The following EPHA3 variants were observed in gnomAD, a reference collection of about 807,000 sequenced individuals.
EPHA3 encodes ephrin type-A receptor 3.
A neutral mutation model predicts 107.1 loss-of-function variants in EPHA3; 42 were observed. That is an observed-to-expected ratio of 0.39 (90% CI 0.31 to 0.51). The LOEUF (loss-of-function observed/expected upper bound fraction) is 0.51. Ranked by LOEUF, EPHA3 falls within the 20% of genes least tolerant of loss-of-function variation. The pLI, the probability that EPHA3 is intolerant of heterozygous loss-of-function variation, is 0.78. For synonymous variants in EPHA3, 461 were observed against 424.8 expected, an observed-to-expected ratio of 1.09 and a Z score of -1.05; for missense variants, 1,183 against 1,211.2, an observed-to-expected ratio of 0.98 and a Z score of 0.35.
chr3:89,216,062 T>C (rs1704216559), intron 3 of EPHA3, among the ~76,000 whole-genome samples: 1 of 151,978 alleles, frequency 6.6e-6, no homozygotes, highest in Non-Finnish European at 1.5e-5. Flanking sequence ...GTGTTTCAAA[T>C]GTGCAAATAG....
intron 2 of EPHA3, among the ~76,000 whole-genome samples, chr3:89,208,013 A>G (rs1325273300): frequency 6.6e-6 from 1 of 152,142 alleles, no homozygotes; most frequent in Non-Finnish European, 1.5e-5. Flanking sequence ...AATTTTCTTA[A>G]GATTGTCAGG....
intron 15 of EPHA3, among the ~76,000 whole-genome samples, chr3:89,459,461 CTT>C (rs1710172177): frequency 6.6e-6 from 1 of 151,196 alleles, no homozygotes; most frequent in Non-Finnish European, 1.5e-5. Flanking sequence ...TTCTTCCCTT[CTT>C]TCTCTCCTTC....
At position 89,242,296 on chromosome 3, in the gene EPHA3, C is replaced by A. The variant is rs1559615719; in HGVS notation, c.814+31776C>A. On this transcript the variant is annotated intron_variant, in intron 3 of 16. Coordinates refer to ENST00000336596, the MANE Select transcript of EPHA3 (RefSeq NM_005233.6). ...CATTAAAAATAATTAGCAATCATGT[C>A]TTGGGAGATACACATTGATAAGAAT... Among the ~76,000 whole-genome samples the A allele has an allele frequency of 2.6e-5, 4 of 152,284 alleles. No individual in the cohort carries two copies. In the South Asian group the frequency reaches 8.3e-4, roughly 32 times the overall value.
intron 11 of EPHA3, among the ~76,000 whole-genome samples, chr3:89,423,454 T>A (rs896541400): frequency 6.6e-6 from 1 of 151,404 alleles, no homozygotes; most frequent in Admixed American, 6.6e-5. Context: ...AAATTTGTCT[T>A]AAGTGTACTA....
At chr3:89,165,324 T>C (rs547254981) in intron 2 of EPHA3, among the ~76,000 whole-genome samples, 7 of 152,338 alleles carry the variant, frequency 4.6e-5, no homozygotes, top group African/African-American at 1.7e-4. Flanking sequence ...CGAAATGTCA[T>C]AGTATGTAAT....
At position 89,480,504 on chromosome 3, in the gene EPHA3, C is replaced by T. The variant is rs1191921999; in HGVS notation, c.*1002C>T. On this transcript the variant is annotated 3_prime_UTR_variant, in exon 17 of 17. Transcript: ENST00000336596. ...GGTGCTTAGAGACTATCAACTCCCTCCTTTAGTGAAGGAGCCGTGTTAGAG... is the reference window on the plus strand; with the variant it reads ...GGTGCTTAGAGACTATCAACTCCCTTCTTTAGTGAAGGAGCCGTGTTAGAG... 4.3e-6 allele frequency: 1 copy of T among 233,228 alleles called. No homozygotes were observed. The highest frequency in any genetic ancestry group is 5.6e-5 in the Admixed American group (1 of 17,776). The allele number at this position is 233,228 out of a possible 1,614,324, so 14.4% of individuals were successfully genotyped here. A position where few individuals can be genotyped will look rare whatever the true frequency, so the allele number is the denominator to read the frequency against.
intron 5 of EPHA3, among the ~76,000 whole-genome samples, chr3:89,382,169 C>G (rs894203366): frequency 6.6e-6 from 1 of 151,998 alleles, no homozygotes; most frequent in African/African-American, 2.4e-5. Flanking sequence ...TATTGTAACT[C>G]AGGTATGGTG....
In EPHA3 at chr3:89,431,184, T is replaced by C. The variant is rs1285991622; in HGVS notation, c.2171T>C (p.Val724Ala). The C allele has an allele frequency of 6.2e-7, 1 of 1,613,798 alleles. No individual in the cohort carries two copies. Among genetic ancestry groups the C allele is most frequent in the East Asian group, 2.2e-5 (1 of 44,842 alleles). Reference protein sequence around the residue: ...HDAQFTVIQLVGMLRGIASGM... With the variant: ...HDAQFTVIQLAGMLRGIASGM... ...GCCCAGTTTACTGTCATTCAGCTAG[T>C]GGGGATGCTTCGAGGGATAGCATCT... The change falls in exon 13 of 17, where the codon GTG becomes GCG. Residue 724 changes from valine (V) to alanine (A), a missense_variant. Transcript: ENST00000336596.
chr3:89,428,573 A>G (rs1296689133), intron 11 of EPHA3, among the ~76,000 whole-genome samples: 4 of 152,016 alleles, frequency 2.6e-5, no homozygotes, highest in African/African-American at 9.7e-5. Flanking sequence ...TATAACTATT[A>G]TTCTGAATTG....
At chr3:89,295,683 CG>C (rs1234451266) in intron 3 of EPHA3, among the ~76,000 whole-genome samples, 1 of 152,090 alleles carries the variant, frequency 6.6e-6, no homozygotes, top group Non-Finnish European at 1.5e-5. Flanking sequence ...CCTCTGCCAC[CG>C]GGTTCAAGAG....
chr3:89,470,208 T>A (rs181264071), intron 15 of EPHA3, among the ~76,000 whole-genome samples: 203 of 152,226 alleles, frequency 1.3e-3, no homozygotes, highest in Non-Finnish European at 1.5e-3. Context: ...ACTATTCTAA[T>A]GAAGCCCCTA....
chr3:89,425,956 A>G (rs1709447639), intron 11 of EPHA3, among the ~76,000 whole-genome samples: 1 of 151,686 alleles, frequency 6.6e-6, no homozygotes, highest in African/African-American at 2.4e-5. Context: ...TTACTTTACA[A>G]TTGTGAAAGA....
At chr3:89,267,531 C>A (rs2107291796) in intron 3 of EPHA3, among the ~76,000 whole-genome samples, 1 of 152,152 alleles carries the variant, frequency 6.6e-6, no homozygotes, top group Non-Finnish European at 1.5e-5. Flanking sequence ...CCCCTGGAAG[C>A]CAGGAAGCAG....
intron 1 of EPHA3, among the ~76,000 whole-genome samples, chr3:89,120,607 A>C (rs796331398): frequency 2.2e-4 from 33 of 152,316 alleles, no homozygotes; most frequent in African/African-American, 7.7e-4. Flanking sequence ...ACAGCATAGG[A>C]TTGACATTTA....
intron 3 of EPHA3, among the ~76,000 whole-genome samples, chr3:89,239,944 T>C (rs1305048873): frequency 1.3e-5 from 2 of 152,172 alleles, no homozygotes; most frequent in Non-Finnish European, 2.9e-5. Context: ...AGCAGTTGTA[T>C]TGAGATGCTA....
At chr3:89,299,962 C>T (rs879446306) in intron 3 of EPHA3, among the ~76,000 whole-genome samples, 3 of 151,858 alleles carry the variant, frequency 2.0e-5, no homozygotes, top group Non-Finnish European at 4.4e-5. Context: ...ATTAATTTTT[C>T]ATTTGGGCAT....
rs1322979221 is a variant in EPHA3, at chr3:89,118,856, T to C, written c.89-8353T>C. Among the ~76,000 whole-genome samples the C allele has an allele frequency of 8.5e-5, 13 of 152,146 alleles. No individual in the cohort carries two copies. The East Asian group carries it at 1.9e-3, about 23-fold the overall frequency. ...TAAATGAATCTAAAATAAATACTTATATAAAAATTGTTATAACATAGATAT... is the reference window on the plus strand; with the variant it reads ...TAAATGAATCTAAAATAAATACTTACATAAAAATTGTTATAACATAGATAT... On this transcript the variant is annotated intron_variant, in intron 1 of 16. Coordinates refer to ENST00000336596, the MANE Select transcript of EPHA3 (RefSeq NM_005233.6).
intron 14 of EPHA3, 149 bp downstream of exon 14, chr3:89,449,523 G>A: frequency 1.6e-6 from 1 of 612,662 alleles, no homozygotes; most frequent in Non-Finnish European, 2.6e-6. Context: ...AGTCTTGCAA[G>A]GATATTATAT....
intron 2 of EPHA3, among the ~76,000 whole-genome samples, chr3:89,202,282 G>A (rs989118131): frequency 1.3e-5 from 2 of 151,648 alleles, no homozygotes; most frequent in Non-Finnish European, 2.9e-5. Flanking sequence ...ATCACTTGAC[G>A]CCAGGGGTTA....
Sources: gnomAD v4.1 joint callset for allele counts (sites outside exome capture counted in the v4.1 genomes callset) on GRCh38, gnomAD v4.1.1 for gene constraint, MANE v1.5 for transcripts, NCBI Gene and HGNC (gene_info 2026-07-23, HGNC 2026-07-21) for gene names.